DAB1: variants seen among roughly 807,000 people sequenced by gnomAD.
DAB1 encodes the protein disabled homolog 1.
A neutral mutation model predicts 64.6 loss-of-function variants in DAB1; 15 were observed. That is an observed-to-expected ratio of 0.23 (90% confidence interval 0.16 to 0.36). The LOEUF (loss-of-function observed/expected upper bound fraction) is 0.36. Ranked by LOEUF, DAB1 falls within the 10% of genes least tolerant of loss-of-function variation. The pLI is 1.00. For synonymous variants in DAB1, 235 were observed against 251.9 expected, an observed-to-expected ratio of 0.93 and a Z score of 0.64; for missense variants, 596 against 706.7, an observed-to-expected ratio of 0.84 and a Z score of 1.78.
chr1:57,968,380 C>A (rs2100298939), intron 5 of DAB1, among the ~76,000 whole-genome samples: 1 of 152,206 alleles, frequency 6.6e-6, no homozygotes, highest in East Asian at 1.9e-4. Flanking sequence ...GAGCAGAAAG[C>A]CACCATTTGA....
intron 5 of DAB1, among the ~76,000 whole-genome samples, chr1:58,131,243 A>T (rs1220339349): frequency 7.0e-6 from 1 of 143,372 alleles, no homozygotes; most frequent in East Asian, 2.1e-4. Flanking sequence ...CTTCCAGTTG[A>T]TCGCATCGGC....
intron 7 of DAB1, among the ~76,000 whole-genome samples, chr1:57,558,151 G>A (rs1645012111): frequency 6.6e-6 from 1 of 152,208 alleles, no homozygotes; most frequent in Non-Finnish European, 1.5e-5. Context: ...GGGACACTGA[G>A]TTTGTAAACT....
intron 2 of DAB1, among the ~76,000 whole-genome samples, chr1:57,176,870 T>C (rs1662371362): frequency 1.3e-5 from 2 of 148,202 alleles, no homozygotes; most frequent in Middle Eastern, 3.4e-3. Context: ...ACTTTGTCCA[T>C]GGAGAATAGC....
rs111936745 is a variant in DAB1 at position 57,610,342 on chromosome 1, C to T, written n.625+39250G>A. Among the ~76,000 whole-genome samples, 957 of 152,282 alleles carry T rather than the reference C, an allele frequency of 6.3e-3. 5 individuals are homozygous for T. Among genetic ancestry groups the T allele is most frequent in the Middle Eastern group, 0.017 (5 of 292 alleles). ...GCCTCACCATGAACCAGGCACTAATCTGAGCACTGTACACATGTTGATTCA... is the reference window on the plus strand; with the variant it reads ...GCCTCACCATGAACCAGGCACTAATTTGAGCACTGTACACATGTTGATTCA... On this transcript the variant is annotated intron_variant and non_coding_transcript_variant, in intron 7 of 20. Transcript: ENST00000485760.
intron 7 of DAB1, among the ~76,000 whole-genome samples, chr1:57,491,510 T>TA (rs1324240084): frequency 1.3e-5 from 2 of 152,008 alleles, no homozygotes; most frequent in Middle Eastern, 3.4e-3. Flanking sequence ...GGACAACAAA[T>TA]AAAAAAATAT....
chr1:57,783,110 T>TC (rs1650186481), intron 6 of DAB1, among the ~76,000 whole-genome samples: 1 of 142,714 alleles, frequency 7.0e-6, no homozygotes, highest in Non-Finnish European at 1.5e-5. Context: ...TCTTTTCTTT[T>TC]TTTTTTTTTT....
chr1:57,982,730 G>T (rs909170710), intron 5 of DAB1, among the ~76,000 whole-genome samples: 4 of 152,112 alleles, frequency 2.6e-5, no homozygotes, highest in African/African-American at 9.7e-5. Flanking sequence ...TCCATTCATT[G>T]CCTTCTGCTA....
intron 4 of DAB1, among the ~76,000 whole-genome samples, chr1:58,181,855 G>T (rs2100785143): frequency 6.6e-6 from 1 of 151,984 alleles, no homozygotes; most frequent in Non-Finnish European, 1.5e-5. Flanking sequence ...TATATTTATT[G>T]TCTTTTATAT....
intron 1 of DAB1, among the ~76,000 whole-genome samples, chr1:57,309,246 C>T (rs1260912819): frequency 6.6e-6 from 1 of 152,160 alleles, no homozygotes; most frequent in Non-Finnish European, 1.5e-5. Flanking sequence ...GAGTGAGTTA[C>T]ACACATCAGT....
chr1:57,366,149 G>T (rs1033137816), intron 1 of DAB1, among the ~76,000 whole-genome samples: 9 of 152,138 alleles, frequency 5.9e-5, no homozygotes, highest in Non-Finnish European at 1.3e-4. Context: ...CCTCCTTCAA[G>T]ACCAAAACAG....
chr1:57,189,704 G>A (rs1046095717), intron 2 of DAB1, among the ~76,000 whole-genome samples: 2 of 152,054 alleles, frequency 1.3e-5, no homozygotes, highest in African/African-American at 4.8e-5. Flanking sequence ...CTGGAGAGAG[G>A]ACAGGATGGA....
At chr1:57,436,447 A>C (rs1473542217) in intron 7 of DAB1, among the ~76,000 whole-genome samples, 3 of 152,232 alleles carry the variant, frequency 2.0e-5, no homozygotes, top group Admixed American at 1.3e-4. Flanking sequence ...AAGAGCAGGC[A>C]CAGACAAAGT....
chr1:57,501,051 G>A (rs113603761), intron 7 of DAB1, among the ~76,000 whole-genome samples: 27 of 152,334 alleles, frequency 1.8e-4, no homozygotes, highest in African/African-American at 6.5e-4. Flanking sequence ...CCTTTGTAAT[G>A]TGACTTTGAT....
At chr1:58,261,575 T>TC (rs1441385071) in intron 4 of DAB1, among the ~76,000 whole-genome samples, 1 of 151,578 alleles carries the variant, frequency 6.6e-6, no homozygotes, top group Non-Finnish European at 1.5e-5. Context: ...GTACTTTAAT[T>TC]CCCCCGAGAA....
intron 2 of DAB1, among the ~76,000 whole-genome samples, chr1:57,198,739 C>T (rs561842433): frequency 3.3e-5 from 5 of 151,296 alleles, no homozygotes; most frequent in South Asian, 2.1e-4. Context: ...GAGGAAGTGA[C>T]GTGTAAGCTG....
chr1:57,499,030 C>T (rs1644260845), intron 7 of DAB1, among the ~76,000 whole-genome samples: 1 of 152,122 alleles, frequency 6.6e-6, no homozygotes, highest in Non-Finnish European at 1.5e-5. Context: ...GGCTGGGGTG[C>T]AGTGGCGTGA....
At chr1:57,769,160 T>C (rs1649451017) in intron 6 of DAB1, among the ~76,000 whole-genome samples, 1 of 152,134 alleles carries the variant, frequency 6.6e-6, no homozygotes, top group African/African-American at 2.4e-5. Context: ...AGAAAATGAA[T>C]GCACGAAATA....
In DAB1 at chr1:58,435,691, G is replaced by A. The variant is rs34917635; in HGVS notation, n.257+70369C>T. ...TCCCTGTCAGGCTTCTCCTAAAAGA[G>A]GAAGATAGTCCTTTTTTCTGTCACT... On this transcript the variant is annotated intron_variant and non_coding_transcript_variant, in intron 3 of 20. Coordinates refer to the DAB1 transcript ENST00000485760. Among the ~76,000 whole-genome samples, 921 of 152,288 alleles carry A rather than the reference G, an allele frequency of 6.0e-3. 6 individuals carry two copies. The highest frequency in any genetic ancestry group is 7.4e-3 in the Non-Finnish European group (506 of 68,024).
At position 58,304,829 on chromosome 1, in the gene DAB1, A is replaced by T. The variant is rs1055303048; in HGVS notation, n.309+38523T>A. On this transcript the variant is annotated intron_variant and non_coding_transcript_variant, in intron 4 of 20. Transcript: ENST00000485760. ...AGCAGGACTGAGAGAACTGCCTATCACAATAACGATGATCATTTCTGTATT... is the reference window on the plus strand; with the variant it reads ...AGCAGGACTGAGAGAACTGCCTATCTCAATAACGATGATCATTTCTGTATT... Among the ~76,000 whole-genome samples, 3 of 152,172 alleles carry T rather than the reference A, an allele frequency of 2.0e-5. No individual in the cohort carries two copies. In the East Asian group the frequency reaches 5.8e-4, roughly 29 times the overall value.
Sources: allele counts gnomAD v4.1 joint callset (sites outside exome capture counted in the v4.1 genomes callset), GRCh38; gene constraint gnomAD v4.1.1; transcripts MANE v1.5; gene names NCBI Gene and HGNC (gene_info 2026-07-23, HGNC 2026-07-21).